The following ABCF3 variants were observed in gnomAD, a reference collection of about 807,000 sequenced individuals.
ABCF3 encodes ATP binding cassette subfamily F member 3.
ABCF3 carries 62 observed loss-of-function variants against 94.3 expected under a neutral mutation model. That is an observed-to-expected ratio of 0.66 (90% CI 0.54 to 0.81). ABCF3 has a LOEUF of 0.81. Ranked by LOEUF, ABCF3 falls within the 40% of genes least tolerant of loss-of-function variation. The pLI is 0.00. For synonymous variants in ABCF3, 355 were observed against 361.1 expected (o/e 0.98, Z 0.19); for missense variants, 843 against 925.3 (o/e 0.91, Z 1.15).
chr3:184,192,754 CT>C (rs777680476), intron 17 of ABCF3, 50 bp from the exon 18 acceptor site: 2 of 1,610,526 alleles, frequency 1.2e-6, no homozygotes, highest in Non-Finnish European at 1.7e-6. Flanking sequence ...GCCTGCGCTC[CT>C]TCGTGGCCAT....
intron 3 of ABCF3, 82 bp from the exon 4 acceptor site, chr3:184,187,315 G>T: frequency 6.6e-7 from 1 of 1,508,282 alleles, no homozygotes; most frequent in Non-Finnish European, 9.2e-7. Flanking sequence ...ATCTGTGTCT[G>T]TGCCTGGTTC....
Position 184,193,958 on chromosome 3 carries a change from G to T in ABCF3, c.*260G>T, listed in dbSNP as rs1716195420. On this transcript the variant is annotated 3_prime_UTR_variant, in exon 21 of 21. Coordinates refer to ENST00000429586, the MANE Select transcript of ABCF3 (RefSeq NM_018358.3). The surrounding 1 kb of genome is among the most constrained non-coding windows in gnomAD (Gnocchi z 5.2). ...TAGATTCCCCCACTGCCCCAGCTCT[G>T]ACTGGACCCCAAGTGGCTGCTATGT... The T allele has an allele frequency of 4.4e-6, 2 of 452,224 alleles. No individual in the cohort carries two copies. Among genetic ancestry groups the T allele is most frequent in the Admixed American group, 3.9e-5 (1 of 25,418 alleles). 28.0% of individuals were successfully genotyped at this position (452,224 alleles called of 1,614,324 possible).
At position 184,188,133 on chromosome 3, in the gene ABCF3, TC is replaced by T; in HGVS notation, c.570-6del. 2 of 1,613,098 alleles carry T rather than the reference TC, an allele frequency of 1.2e-6. No homozygotes were observed. Among genetic ancestry groups the T allele is most frequent in the Non-Finnish European group, 1.7e-6 (2 of 1,179,276 alleles). On this transcript the variant is annotated splice_region_variant and splice_polypyrimidine_tract_variant and intron_variant, in intron 6 of 20. Transcript: ENST00000429586. ...AGCATCTTTGGTCTCCTTTCTCCAC[TC>T]CTGCAGAGTACTGCTGGCTGGAGCG...
At chr3:184,192,951 C>A in intron 18 of ABCF3, 55 bp downstream of exon 18, 2 of 1,599,422 alleles carry the variant, frequency 1.3e-6, no homozygotes, top group Non-Finnish European at 1.7e-6. Context: ...AGGGCTGAGG[C>A]TGACCCCGGC....
At chr3:184,190,152 G>A (rs929428902) in intron 14 of ABCF3, 6 of 591,464 alleles carry the variant, frequency 1.0e-5, no homozygotes, top group South Asian at 6.1e-5. Flanking sequence ...CTGCTTCTAC[G>A]TATCTGCTTA....
chr3:184,186,282 T>A lies in ABCF3; in HGVS notation c.73+2T>A. 6.2e-7 allele frequency: 1 copy of A among 1,614,194 alleles called. No homozygotes were observed. Among genetic ancestry groups the A allele is most frequent in the South Asian group, 1.1e-5 (1 of 91,092 alleles). ...GACAAGTCTTCGACTACGTGACCGG[T>A]AAGCAGAACTGAATCGGCCGGCTGG... is the stretch of plus-strand genomic sequence containing the variant. On this transcript the variant is annotated splice_donor_variant, in intron 1 of 20. Coordinates refer to ENST00000429586, the MANE Select transcript of ABCF3 (RefSeq NM_018358.3). LOFTEE classifies it high-confidence loss of function.
intron 11 of ABCF3, 52 bp downstream of exon 11, chr3:184,189,329 T>G: frequency 6.2e-7 from 1 of 1,614,192 alleles, no homozygotes; most frequent in Non-Finnish European, 8.5e-7. Flanking sequence ...GGTGGTAGCA[T>G]CCAAGTTCCT....
chr3:184,189,845 C>T lies in ABCF3; in HGVS notation c.1315-10C>T, dbSNP rs1277090049. 6.2e-7 allele frequency: 1 copy of T among 1,614,212 alleles called. No individual in the cohort carries two copies. The highest frequency in any genetic ancestry group is 1.1e-5 in the South Asian group (1 of 91,086). On this transcript the variant is annotated splice_polypyrimidine_tract_variant and intron_variant, in intron 13 of 20. Transcript: ENST00000429586. The stretch of plus-strand genomic sequence containing the variant: ...GAATTTGACCAATGCCTACACTCCT[C>T]CACCTGCAGGTTTTCATTGACCGGT...
At position 184,188,134 on chromosome 3, in the gene ABCF3, C is replaced by T. The variant is rs565561529; in HGVS notation, c.570-7C>T. 2 of 1,613,188 alleles carry T rather than the reference C, an allele frequency of 1.2e-6. No individual in the cohort carries two copies. Among genetic ancestry groups the T allele is most frequent in the Admixed American group, 1.7e-5 (1 of 60,034 alleles). On this transcript the variant is annotated splice_region_variant and splice_polypyrimidine_tract_variant and intron_variant, in intron 6 of 20. Coordinates refer to ENST00000429586, the MANE Select transcript of ABCF3 (RefSeq NM_018358.3). ...GCATCTTTGGTCTCCTTTCTCCACTCCTGCAGAGTACTGCTGGCTGGAGCG... is the reference window on the plus strand; with the variant it reads ...GCATCTTTGGTCTCCTTTCTCCACTTCTGCAGAGTACTGCTGGCTGGAGCG...
rs1390955408 is a variant in ABCF3 at position 184,188,890 on chromosome 3, G to A, written c.918-39G>A. On this transcript the variant is annotated intron_variant, in intron 8 of 20. Transcript: ENST00000429586. ...CTTCAGATTTCCTTTCCCTTCTGTGGACTGTTCCAACTGAGTTCTTCGATT... is the reference window on the plus strand; with the variant it reads ...CTTCAGATTTCCTTTCCCTTCTGTGAACTGTTCCAACTGAGTTCTTCGATT... 3 of 1,614,178 alleles carry A rather than the reference G, an allele frequency of 1.9e-6. No individual in the cohort carries two copies. The East Asian group carries it at 6.7e-5, about 36-fold the overall frequency.
At chr3:184,190,217 CTT>C in intron 14 of ABCF3, 1 of 483,434 alleles carries the variant, frequency 2.1e-6, no homozygotes, top group South Asian at 2.3e-5. Flanking sequence ...TGCCTGGTGT[CTT>C]TTACCTGGCG....
At position 184,189,411 on chromosome 3, in the gene ABCF3, A is replaced by G; in HGVS notation, c.1081A>G (p.Arg361Gly). Residue 361 changes from arginine to glycine, a missense_variant, in exon 12 of 21, where the codon AGG becomes GGG. Coordinates refer to ENST00000429586, the MANE Select transcript of ABCF3 (RefSeq NM_018358.3). ...LDEPTNMLDVRAILWLENYLQ... is the reference protein window; with the variant it reads ...LDEPTNMLDVGAILWLENYLQ... ...AGAACCTACAAACATGCTGGATGTC[A>G]GGGCCATCCTGTGGCTGGAGAATTA... 2.5e-6 allele frequency: 4 copies of G among 1,614,098 alleles called. No individual in the cohort carries two copies. The highest frequency in any genetic ancestry group is 2.5e-6 in the Non-Finnish European group (3 of 1,180,020).
rs751711738 is a variant in ABCF3 at position 184,192,790 on chromosome 3, G to T, written c.1659-15G>T. 2 of 1,613,604 alleles carry T rather than the reference G, an allele frequency of 1.2e-6. No individual in the cohort carries two copies. The highest frequency in any genetic ancestry group is 1.7e-6 in the Non-Finnish European group (2 of 1,179,624). ...TTGCCTTTGTCTGTTTTTCCACCTCGGCTTCTGCCTGCAGGAATCTGAAGA... is the reference window on the plus strand; with the variant it reads ...TTGCCTTTGTCTGTTTTTCCACCTCTGCTTCTGCCTGCAGGAATCTGAAGA... On this transcript the variant is annotated splice_polypyrimidine_tract_variant and intron_variant, in intron 17 of 20. Coordinates refer to ENST00000429586, the MANE Select transcript of ABCF3 (RefSeq NM_018358.3).
rs1476814196 is a variant in ABCF3, at chr3:184,194,000, C to T, written c.*302C>T. On this transcript the variant is annotated 3_prime_UTR_variant, in exon 21 of 21. Transcript: ENST00000429586. The surrounding 1 kb of genome is among the most constrained non-coding windows in gnomAD (Gnocchi z 5.2). Reference sequence around the variant, plus strand: ...CTGCTATGTAAATTAAATCTCTCCCCGCGTCTCCTTTGCCTCATGTCTGCT... The same window carrying T: ...CTGCTATGTAAATTAAATCTCTCCCTGCGTCTCCTTTGCCTCATGTCTGCT... The T allele has an allele frequency of 5.1e-5, 17 of 334,414 alleles. No homozygotes were observed. Among genetic ancestry groups the T allele is most frequent in the East Asian group, 2.3e-4 (4 of 17,534 alleles). 20.7% of individuals were successfully genotyped at this position (334,414 alleles called of 1,614,324 possible).
chr3:184,190,045 G>A, intron 14 of ABCF3, 114 bp downstream of exon 14: 3 of 1,100,524 alleles, frequency 2.7e-6, no homozygotes, highest in Non-Finnish European at 1.4e-6. Flanking sequence ...GAAGCCAACT[G>A]TGACTTCCTC....
intron 4 of ABCF3, 67 bp downstream of exon 4, chr3:184,187,510 G>GT: frequency 6.4e-7 from 1 of 1,563,810 alleles, no homozygotes; most frequent in Non-Finnish European, 8.8e-7. Context: ...TCTAATTGGA[G>GT]TATCTTTTGG....
chr3:184,186,411 G>T (rs765968903), intron 1 of ABCF3, 96 bp from the exon 2 acceptor site: 141 of 1,583,838 alleles, frequency 8.9e-5, no homozygotes, highest in Non-Finnish European at 1.2e-4. Context: ...GGCTGGTTGG[G>T]TCTGGAGCCT....
intron 16 of ABCF3, 123 bp downstream of exon 16, chr3:184,191,378 G>A: frequency 1.4e-6 from 2 of 1,451,622 alleles, no homozygotes; most frequent in Middle Eastern, 2.3e-4. Flanking sequence ...GAGGGCCCGG[G>A]CTAAGGATTT....
At position 184,188,985 on chromosome 3, in the gene ABCF3, C is replaced by T; in HGVS notation, c.974C>T (p.Thr325Ile). The T allele has an allele frequency of 6.2e-7, 1 of 1,614,258 alleles. No homozygotes were observed. The highest frequency in any genetic ancestry group is 8.5e-7 in the Non-Finnish European group (1 of 1,180,050). ...ACCCCTAAAATGCAGCAGCAGCCCA[C>T]CCGGTGAGTGACCCTTGCCATTCTT... ...GFTPKMQQQP[T>I]REFSGGWRMR... is the part of the protein sequence containing the mutation. The change falls in exon 9 of 21, where the codon ACC becomes ATC. Residue 325 changes from threonine (T) to isoleucine (I), a missense_variant. Transcript: ENST00000429586.
Sources: gnomAD v4.1 joint callset for allele counts on GRCh38, gnomAD v4.1.1 for gene constraint, Gnocchi (gnomAD v3.1) non-coding constraint, MANE v1.5 for transcripts, NCBI Gene and HGNC (gene_info 2026-07-23, HGNC 2026-07-21) for gene names.